The following BLTP3A variants were observed in gnomAD, a reference collection of about 807,000 sequenced individuals.
BLTP3A encodes bridge-like lipid transfer protein family member 3A.
chr6:34,808,467 CT>C, the BLTP3A span, among the ~76,000 whole-genome samples: 15 of 151,706 alleles, frequency 9.9e-5, no homozygotes, highest in Non-Finnish European at 2.9e-5. Context: ...TTTAGTTCAC[CT>C]TTAGCAAGAC....
At chr6:34,835,582 T>C in the BLTP3A span, 2,593 of 1,165,898 alleles carry the variant, frequency 2.2e-3, 50 homozygotes, top group African/African-American at 0.035. Flanking sequence ...TACTTCTGGG[T>C]ATTCATAGGC....
At chr6:34,809,083 G>T in the BLTP3A span, among the ~76,000 whole-genome samples, 2 of 152,104 alleles carry the variant, frequency 1.3e-5, no homozygotes, top group East Asian at 3.8e-4. Flanking sequence ...ACATGACAAA[G>T]ATGTTATAAG....
the BLTP3A span, chr6:34,859,068 A>G: frequency 2.5e-6 from 4 of 1,614,110 alleles, no homozygotes; most frequent in Non-Finnish European, 2.5e-6. Flanking sequence ...CTAGCCTCGT[A>G]GATTCAGAGC....
At chr6:34,793,058 GT>G in the BLTP3A span, among the ~76,000 whole-genome samples, 4 of 152,162 alleles carry the variant, frequency 2.6e-5, no homozygotes, top group African/African-American at 4.8e-5. Flanking sequence ...AGATGTGGAG[GT>G]TTTTTTGACA....
At chr6:34,826,498 A>G in the BLTP3A span, among the ~76,000 whole-genome samples, 22 of 152,056 alleles carry the variant, frequency 1.4e-4, no homozygotes, top group Non-Finnish European at 3.2e-4. Flanking sequence ...AGCTGGGGAT[A>G]CAGGCATGTG....
At chr6:34,796,713 G>C in the BLTP3A span, among the ~76,000 whole-genome samples, 1 of 152,236 alleles carries the variant, frequency 6.6e-6, no homozygotes, top group Non-Finnish European at 1.5e-5. Context: ...AAACATGCCA[G>C]ATTCACCTTC....
the BLTP3A span, among the ~76,000 whole-genome samples, chr6:34,848,481 CT>C: frequency 3.3e-5 from 5 of 151,648 alleles, no homozygotes; most frequent in Non-Finnish European, 5.9e-5. Context: ...TGGCAGGCAG[CT>C]GTAATCCCAG....
the BLTP3A span, chr6:34,875,278 G>T: frequency 0.073 from 11,110 of 152,460 alleles, 602 homozygotes; most frequent in East Asian, 0.23. Context: ...TCTTTCAAAG[G>T]CAGAATGTTG....
At chr6:34,854,169 CAG>C in the BLTP3A span, among the ~76,000 whole-genome samples, 3 of 152,044 alleles carry the variant, frequency 2.0e-5, no homozygotes, top group Non-Finnish European at 4.4e-5. Context: ...TTGCAGTGAG[CAG>C]AGTTAGTGCC....
At chr6:34,857,521 T>G in the BLTP3A span, 1 of 1,593,568 alleles carries the variant, frequency 6.3e-7, no homozygotes, top group Non-Finnish European at 8.5e-7. Flanking sequence ...TTTTCCCATT[T>G]GTCAGCCTTG....
chr6:34,837,300 G>C, the BLTP3A span, among the ~76,000 whole-genome samples: 3 of 152,150 alleles, frequency 2.0e-5, no homozygotes, highest in African/African-American at 4.8e-5. Context: ...TCAATACTTT[G>C]GGAGGCTGAG....
chr6:34,839,594 C>T, the BLTP3A span, among the ~76,000 whole-genome samples: 19 of 152,120 alleles, frequency 1.2e-4, no homozygotes, highest in Admixed American at 4.6e-4. Context: ...ATGCTGAGGT[C>T]GAGGGGAGTG....
At chr6:34,846,879 G>A in the BLTP3A span, among the ~76,000 whole-genome samples, 267 of 152,242 alleles carry the variant, frequency 1.8e-3, no homozygotes, top group African/African-American at 6.0e-3. Flanking sequence ...TTCCCGCATT[G>A]AGTATGATAA....
chr6:34,841,435 A>G, the BLTP3A span, among the ~76,000 whole-genome samples: 21 of 152,394 alleles, frequency 1.4e-4, no homozygotes, highest in Admixed American at 1.3e-3. Context: ...TTAAATTGCC[A>G]CATGCAGCTA....
chr6:34,850,987 G>A, the BLTP3A span, among the ~76,000 whole-genome samples: 6 of 152,154 alleles, frequency 3.9e-5, no homozygotes, highest in Middle Eastern at 3.4e-3. Flanking sequence ...GAGCCACTGC[G>A]CCCAGCCTCT....
the BLTP3A span, among the ~76,000 whole-genome samples, chr6:34,837,935 A>G: frequency 1.3e-5 from 2 of 152,312 alleles, no homozygotes; most frequent in South Asian, 4.1e-4. Context: ...AGAATTCCTA[A>G]TTAAGAGTAC....
the BLTP3A span, among the ~76,000 whole-genome samples, chr6:34,864,675 A>G: frequency 6.6e-6 from 1 of 152,156 alleles, no homozygotes; most frequent in Non-Finnish European, 1.5e-5. Flanking sequence ...ATGATCCTTT[A>G]AGAGTATCTA....
At chr6:34,802,929 C>G in the BLTP3A span, among the ~76,000 whole-genome samples, 1 of 151,918 alleles carries the variant, frequency 6.6e-6, no homozygotes, top group African/African-American at 2.4e-5. Flanking sequence ...TAATCCTAGC[C>G]CTTTGGGAGG....
the BLTP3A span, among the ~76,000 whole-genome samples, chr6:34,841,312 G>A: frequency 1.3e-5 from 2 of 151,620 alleles, no homozygotes; most frequent in Non-Finnish European, 2.9e-5. Context: ...CAAGTGATCC[G>A]CCCACTTCAG....
Sources: allele counts gnomAD v4.1 joint callset (sites outside exome capture counted in the v4.1 genomes callset), GRCh38; gene constraint gnomAD v4.1.1; transcripts MANE v1.5; gene names NCBI Gene and HGNC (gene_info 2026-07-23, HGNC 2026-07-21).